Variants in PRR11 observed in about 807,000 individuals in gnomAD.
The protein encoded by PRR11 is proline-rich protein 11.
PRR11 carries 30 observed loss-of-function variants against 45.6 expected under a neutral mutation model. The ratio of observed to expected loss-of-function variants is 0.66; its 90% CI spans 0.49 to 0.89. The LOEUF (loss-of-function observed/expected upper bound fraction) is 0.89. Among genes scored for constraint, PRR11 ranks in the 40% least tolerant of loss-of-function variants. PRR11 has a pLI of 0.00. For synonymous variants in PRR11, 128 were observed against 153.5 expected (o/e 0.83, Z 1.23); for missense variants, 373 against 424.8 (o/e 0.88, Z 1.07).
chr17:59,169,719 A>C, intron 1 of PRR11, 29 bp from the exon 2 acceptor site: 1 of 1,536,502 alleles, frequency 6.5e-7, no homozygotes, highest in Non-Finnish European at 8.7e-7. Flanking sequence ...TTATTCTTCA[A>C]TTAAAAATGT....
intron 9 of PRR11, among the ~76,000 whole-genome samples, chr17:59,199,801 C>T (rs2046883923): frequency 6.6e-6 from 1 of 152,176 alleles, no homozygotes; most frequent in Non-Finnish European, 1.5e-5. Flanking sequence ...TTCTCTCTTA[C>T]CAATCAACTT....
Position 59,184,721 on chromosome 17 carries a change from T to A in PRR11, c.129-333T>A, listed in dbSNP as rs2046805025. Among the ~76,000 whole-genome samples, 6 of 152,186 alleles carry A rather than the reference T, an allele frequency of 3.9e-5. No homozygotes were observed. In the South Asian group the frequency reaches 1.2e-3, roughly 31 times the overall value. On this transcript the variant is annotated intron_variant, in intron 2 of 9. Transcript: ENST00000262293. ...CTCTCCTAGTTAACAGGCTTTCATA[T>A]ATTAGAAGATCAATGTTCTGACCCC... is the stretch of plus-strand genomic sequence containing the variant.
chr17:59,171,390 A>G (rs958551118), intron 2 of PRR11, among the ~76,000 whole-genome samples: 3 of 152,236 alleles, frequency 2.0e-5, no homozygotes, highest in African/African-American at 4.8e-5. Flanking sequence ...TAGGGGAACT[A>G]TCATGTAGCT....
intron 4 of PRR11, among the ~76,000 whole-genome samples, chr17:59,188,636 T>C (rs529502353): frequency 1.7e-3 from 266 of 152,182 alleles, no homozygotes; most frequent in South Asian, 3.9e-3. Flanking sequence ...CCAGGAAAAC[T>C]TTTTTAAAGA....
At chr17:59,174,132 C>T (rs2046728705) in intron 2 of PRR11, among the ~76,000 whole-genome samples, 1 of 152,170 alleles carries the variant, frequency 6.6e-6, no homozygotes, top group Non-Finnish European at 1.5e-5. Flanking sequence ...CTCAATATAC[C>T]CAAGGTCAGC....
At chr17:59,180,126 CCTTT>C (rs1483055303) in intron 2 of PRR11, among the ~76,000 whole-genome samples, 1 of 139,994 alleles carries the variant, frequency 7.1e-6, no homozygotes, top group African/African-American at 2.8e-5. Context: ...CTGAGTCTCT[CCTTT>C]TTTTTTTTTT....
intron 2 of PRR11, among the ~76,000 whole-genome samples, chr17:59,174,091 C>A (rs1420690139): frequency 6.6e-6 from 1 of 152,174 alleles, no homozygotes; most frequent in Admixed American, 6.5e-5. Context: ...CTGTGAAACT[C>A]ACAGTTTGGT....
chr17:59,193,435 C>A (rs968075669), intron 4 of PRR11, 57 bp from the exon 5 acceptor site: 268 of 1,601,280 alleles, frequency 1.7e-4, no homozygotes, highest in Admixed American at 4.7e-4. Flanking sequence ...ATGACTCTCA[C>A]CCTCAAGAAT....
Position 59,194,748 on chromosome 17 carries a change from T to A in PRR11, c.646-9T>A. ...CAATTTGAATTCTAACCTTACCATG[T>A]ATTTTAAGGCTGGACCATTAAAAAA... On this transcript the variant is annotated splice_polypyrimidine_tract_variant and intron_variant, in intron 5 of 9. Coordinates refer to ENST00000262293, the MANE Select transcript of PRR11 (RefSeq NM_018304.4). 6.3e-7 allele frequency: 1 copy of A among 1,597,212 alleles called. No individual in the cohort carries two copies. The highest frequency in any genetic ancestry group is 8.6e-7 in the Non-Finnish European group (1 of 1,169,530).
At chr17:59,187,206 CAAAAATAAAATAAAAT>C (rs980124840) in intron 4 of PRR11, among the ~76,000 whole-genome samples, 11 of 151,254 alleles carry the variant, frequency 7.3e-5, no homozygotes, top group South Asian at 2.1e-4. Context: ...TAGACTGTCT[CAAAAATAAAATAAAAT>C]AAAAATAAAA....
intron 9 of PRR11, among the ~76,000 whole-genome samples, chr17:59,201,011 C>A (rs2046890102): frequency 6.6e-6 from 1 of 151,460 alleles, no homozygotes; most frequent in African/African-American, 2.4e-5. Context: ...CAAATTAGTT[C>A]TTTAGTGGTG....
rs1227099818 is a variant in PRR11, at chr17:59,203,640, C to G, written c.*2009C>G. On this transcript the variant is annotated 3_prime_UTR_variant, in exon 10 of 10. Transcript: ENST00000262293. ...TGTGGAGGCCGAGGCAGGCGGATTA[C>G]TTGAGGTCAGGACTTCGAAACCAGC... 6.6e-6 allele frequency: 1 copy of G among 152,176 alleles called. No individual in the cohort carries two copies. Among genetic ancestry groups the G allele is most frequent in the African/African-American group, 2.4e-5 (1 of 41,430 alleles). The allele number at this position is 152,176 out of a possible 1,614,324, so 9.4% of individuals were successfully genotyped here.
intron 2 of PRR11, among the ~76,000 whole-genome samples, chr17:59,180,828 G>A (rs1192547603): frequency 6.6e-6 from 1 of 151,026 alleles, no homozygotes; most frequent in Non-Finnish European, 1.5e-5. Flanking sequence ...TTGAAACAGG[G>A]TTTTGTTCTG....
chr17:59,158,109 G>A (rs1221385354), intron 1 of PRR11, among the ~76,000 whole-genome samples: 2 of 152,264 alleles, frequency 1.3e-5, no homozygotes, highest in East Asian at 1.9e-4. Flanking sequence ...TATCAGTTCT[G>A]GTATGGAAAA....
intron 9 of PRR11, among the ~76,000 whole-genome samples, chr17:59,198,660 C>T (rs528723598): frequency 4.0e-5 from 6 of 149,370 alleles, no homozygotes; most frequent in South Asian, 2.1e-4. Context: ...GGTGACAGAG[C>T]GAGACTTAGT....
chr17:59,184,744 C>T (rs570391439), intron 2 of PRR11, among the ~76,000 whole-genome samples: 6 of 152,208 alleles, frequency 3.9e-5, no homozygotes, highest in Non-Finnish European at 5.9e-5. Context: ...ATGTTCTGAC[C>T]CCATTAAAAG....
chr17:59,171,974 A>G (rs2046711428), intron 2 of PRR11, among the ~76,000 whole-genome samples: 1 of 152,196 alleles, frequency 6.6e-6, no homozygotes, highest in Non-Finnish European at 1.5e-5. Context: ...CATAACAGCT[A>G]TAACTCATGA....
At chr17:59,191,312 G>A (rs1457524253) in intron 4 of PRR11, among the ~76,000 whole-genome samples, 2 of 150,772 alleles carry the variant, frequency 1.3e-5, no homozygotes, top group African/African-American at 4.9e-5. Flanking sequence ...TCCACCTCCC[G>A]GGTTCAAGCG....
intron 2 of PRR11, among the ~76,000 whole-genome samples, chr17:59,175,498 A>T (rs1568321160): frequency 6.6e-6 from 1 of 152,198 alleles, no homozygotes; most frequent in African/African-American, 2.4e-5. Context: ...GTGGTGGCTC[A>T]TGCCTGTAAT....
Sources: gnomAD v4.1 joint callset for allele counts (sites outside exome capture counted in the v4.1 genomes callset) on GRCh38, gnomAD v4.1.1 for gene constraint, MANE v1.5 for transcripts, NCBI Gene and HGNC (gene_info 2026-07-23, HGNC 2026-07-21) for gene names.